Variants in TGS1 observed in about 807,000 individuals in gnomAD.
TGS1 encodes trimethylguanosine synthase 1, also known as trimethylguanosine synthase.
In TGS1, 69 loss-of-function variants were observed where a neutral mutation model predicts 92.2. The ratio of observed to expected loss-of-function variants is 0.75; its 90% CI spans 0.62 to 0.91. The LOEUF (loss-of-function observed/expected upper bound fraction) is 0.91. TGS1 is among the 40% of genes least tolerant of loss of function. TGS1 has a pLI of 0.00. For missense variants in TGS1, 1,062 were observed against 1,001.2 expected (o/e 1.06, Z -0.82); for synonymous variants, 345 against 338.1 (o/e 1.02, Z -0.22).
At chr8:55,780,993 G>A (rs1811544252) in intron 1 of TGS1, among the ~76,000 whole-genome samples, 1 of 152,122 alleles carries the variant, frequency 6.6e-6, no homozygotes, top group Non-Finnish European at 1.5e-5. Context: ...TACAGTTCAT[G>A]CTCCAACCTG....
At chr8:55,784,997 C>T (rs16922239) in intron 2 of TGS1, among the ~76,000 whole-genome samples, 23,954 of 151,578 alleles carry the variant, frequency 0.16, 2,268 homozygotes, top group African/African-American at 0.27. Flanking sequence ...TTGATTCTTC[C>T]GTTGATTCTT....
chr8:55,816,334 A>G (rs1002153950), intron 12 of TGS1, among the ~76,000 whole-genome samples: 3 of 152,214 alleles, frequency 2.0e-5, no homozygotes, highest in Non-Finnish European at 4.4e-5. Context: ...AGGAAGATGC[A>G]GGCAGCAATT....
chr8:55,813,276 A>G (rs1380919100), intron 12 of TGS1, among the ~76,000 whole-genome samples, 158 bp downstream of exon 12: 2 of 152,238 alleles, frequency 1.3e-5, no homozygotes, highest in Non-Finnish European at 2.9e-5. Flanking sequence ...AGTTAGATCC[A>G]TGTCTATTAC....
intron 7 of TGS1, among the ~76,000 whole-genome samples, chr8:55,798,104 C>T (rs1399603764): frequency 6.6e-6 from 1 of 152,136 alleles, no homozygotes; most frequent in East Asian, 1.9e-4. Flanking sequence ...GAAACAGCTA[C>T]TAAGCATTGC....
Position 55,824,565 on chromosome 8 carries a change from C to T in TGS1, c.2440-16C>T. 6.2e-7 allele frequency: 1 copy of T among 1,614,006 alleles called. No individual in the cohort carries two copies. The highest frequency in any genetic ancestry group is 8.5e-7 in the Non-Finnish European group (1 of 1,179,932). ...GCTTAGGTGTGTGTGTGACTTTCTT[C>T]TGTTCATCTTTTTAGGTGGCATCCT... On this transcript the variant is annotated splice_polypyrimidine_tract_variant and intron_variant, in intron 12 of 12. Transcript: ENST00000260129.
intron 12 of TGS1, among the ~76,000 whole-genome samples, chr8:55,816,078 T>A (rs1024346241): frequency 3.3e-5 from 5 of 152,042 alleles, no homozygotes; most frequent in Admixed American, 3.3e-4. Context: ...CTCAGCCTTC[T>A]AAAGTGCTGG....
In TGS1 at chr8:55,773,611, G is replaced by A; in HGVS notation, c.-8G>A. 9 of 1,607,574 alleles carry A rather than the reference G, an allele frequency of 5.6e-6. No homozygotes were observed. The highest frequency in any genetic ancestry group is 7.6e-6 in the Non-Finnish European group (9 of 1,177,290). ...TGCGTACGTCAGAGCTGCCTCCGAA[G>A]TGGTAAAATGTGCTGCGAGAAGTGG... is the stretch of plus-strand genomic sequence containing the variant. On this transcript the variant is annotated 5_prime_UTR_variant, in exon 1 of 13. It adds an upstream start codon to the 5' untranslated region. Transcript: ENST00000260129.
chr8:55,815,478 T>G (rs765043211), intron 12 of TGS1, among the ~76,000 whole-genome samples: 9 of 152,184 alleles, frequency 5.9e-5, no homozygotes, highest in Non-Finnish European at 1.2e-4. Context: ...TAACTTTTTT[T>G]TGTTAAGGAA....
At chr8:55,780,837 T>C (rs1292516718) in intron 1 of TGS1, among the ~76,000 whole-genome samples, 2 of 152,234 alleles carry the variant, frequency 1.3e-5, no homozygotes, top group African/African-American at 2.4e-5. Flanking sequence ...ATTCCATTGC[T>C]AACATTAATT....
intron 9 of TGS1, among the ~76,000 whole-genome samples, chr8:55,803,001 G>GT (rs1812264381): frequency 6.6e-6 from 1 of 150,696 alleles, no homozygotes; most frequent in Non-Finnish European, 1.5e-5. Flanking sequence ...GTATCATTGC[G>GT]TTTATTTTTC....
In TGS1 at chr8:55,786,779, CTT is replaced by C; in HGVS notation, c.884_885del (p.Phe295SerfsTer8). 1 of 1,614,124 alleles carries C rather than the reference CTT, an allele frequency of 6.2e-7. No homozygotes were observed. The highest frequency in any genetic ancestry group is 2.2e-5 in the East Asian group (1 of 44,878). ...AAATGCATGAAAGTTGACTTAGTAT[CTT>C]TTCCATCTTCACCTATTATGGTTGA... On this transcript the variant is annotated frameshift_variant, in exon 4 of 13. Transcript: ENST00000260129. LOFTEE classifies it high-confidence loss of function.
chr8:55,802,380 T>G, intron 8 of TGS1, 77 bp from the exon 9 acceptor site: 1 of 1,233,736 alleles, frequency 8.1e-7, no homozygotes, highest in East Asian at 2.3e-5. Flanking sequence ...TTGATGTGGC[T>G]TCATTTTTAG....
At chr8:55,808,691 TAG>T (rs1803254447) in intron 10 of TGS1, among the ~76,000 whole-genome samples, 1 of 152,038 alleles carries the variant, frequency 6.6e-6, no homozygotes, top group African/African-American at 2.4e-5. Context: ...TTATTTTTAG[TAG>T]AGATGGGGTT....
chr8:55,815,099 C>T (rs1015852816), intron 12 of TGS1, among the ~76,000 whole-genome samples: 3 of 152,092 alleles, frequency 2.0e-5, no homozygotes, highest in Non-Finnish European at 2.9e-5. Context: ...ACTTGAATAA[C>T]GAGAGGAAAT....
chr8:55,807,054 A>G (rs1260162605), intron 10 of TGS1, among the ~76,000 whole-genome samples: 1 of 150,554 alleles, frequency 6.6e-6, no homozygotes, highest in African/African-American at 2.4e-5. Flanking sequence ...TCAGCCTCCC[A>G]CGTAGCTGGG....
At position 55,796,038 on chromosome 8, in the gene TGS1, G is replaced by C; in HGVS notation, c.1428G>C (p.Lys476Asn). The C allele has an allele frequency of 6.2e-7, 1 of 1,613,576 alleles. No individual in the cohort carries two copies. Among genetic ancestry groups the C allele is most frequent in the Non-Finnish European group, 8.5e-7 (1 of 1,179,662 alleles). Residue 476 changes from lysine (K) to asparagine (N), a missense_variant, in exon 7 of 13, where the codon AAG (lysine) becomes AAC (asparagine). Coordinates refer to ENST00000260129, the MANE Select transcript of TGS1 (RefSeq NM_024831.8). ...TCAGGTATTTAGAGAAGAATGTGAA[G>C]CTTAAGTCTAAGTACCTAGACATGC... is the stretch of plus-strand genomic sequence containing the variant. ...RQVRYLEKNV[K>N]LKSKYLDMRR...
chr8:55,825,846 T>C lies in TGS1; in HGVS notation c.*1143T>C, dbSNP rs1803780410. Among the ~76,000 whole-genome samples the C allele has an allele frequency of 6.6e-6, 1 of 151,990 alleles. No homozygotes were observed. Among genetic ancestry groups the C allele is most frequent in the Non-Finnish European group, 1.5e-5 (1 of 68,012 alleles). ...GCAATTTCAAAATCTGTCCAAATGT[T>C]CTTGGTTTTTAAACTTTATGTAGCA... On this transcript the variant is annotated 3_prime_UTR_variant, in exon 13 of 13. Coordinates refer to ENST00000260129, the MANE Select transcript of TGS1 (RefSeq NM_024831.8).
intron 4 of TGS1, among the ~76,000 whole-genome samples, chr8:55,789,564 C>T (rs1811817205): frequency 6.6e-6 from 1 of 151,956 alleles, no homozygotes. Context: ...GTAGTTAGAT[C>T]ATGAACATTT....
At chr8:55,804,860 G>T in intron 9 of TGS1, 33 bp from the exon 10 acceptor site, 1 of 1,602,598 alleles carries the variant, frequency 6.2e-7, no homozygotes, top group South Asian at 1.1e-5. Flanking sequence ...TCTTGAAATT[G>T]AACATGCTAA....
Sources: allele counts gnomAD v4.1 joint callset (sites outside exome capture counted in the v4.1 genomes callset), GRCh38; gene constraint gnomAD v4.1.1; transcripts MANE v1.5; gene names NCBI Gene and HGNC (gene_info 2026-07-23, HGNC 2026-07-21).